Variants in CAMK1D observed in about 807,000 individuals in gnomAD.
The protein encoded by CAMK1D is calcium/calmodulin-dependent protein kinase type 1D.
CAMK1D carries 9 observed loss-of-function variants against 47.7 expected under a neutral mutation model. That is an observed-to-expected ratio of 0.19 (90% CI 0.11 to 0.33). The LOEUF is 0.33. Ranked by LOEUF, CAMK1D falls within the 10% of genes least tolerant of loss-of-function variation. The probability of loss-of-function intolerance (pLI) is 1.00; values close to 1 mark genes in which losing one functional copy is unlikely to be tolerated. For synonymous variants in CAMK1D, 184 were observed against 184.9 expected (o/e 0.99, Z 0.04); for missense variants, 291 against 488.7 (o/e 0.60, Z 3.81).
chr10:12,516,565 C>G (rs1360430169), intron 1 of CAMK1D, among the ~76,000 whole-genome samples: 1 of 152,212 alleles, frequency 6.6e-6, no homozygotes, highest in Non-Finnish European at 1.5e-5. Flanking sequence ...AATTGCTAAA[C>G]TGTTTTCCAA....
chr10:12,376,175 A>AAG (rs1214870942), intron 1 of CAMK1D, among the ~76,000 whole-genome samples: 6 of 151,084 alleles, frequency 4.0e-5, no homozygotes, highest in Non-Finnish European at 5.9e-5. Context: ...AAAAAAAAAA[A>AAG]AAAAAAAAAA....
chr10:12,574,040 A>T (rs1040007188), intron 2 of CAMK1D, among the ~76,000 whole-genome samples: 23 of 150,944 alleles, frequency 1.5e-4, no homozygotes, highest in African/African-American at 5.6e-4. Flanking sequence ...TCACTTATCC[A>T]CTCATTCACC....
intron 3 of CAMK1D, among the ~76,000 whole-genome samples, chr10:12,690,521 A>G (rs1832836599): frequency 6.6e-6 from 1 of 152,188 alleles, no homozygotes; most frequent in South Asian, 2.1e-4. Flanking sequence ...TGTGTAGTAG[A>G]TAAACATATA....
At chr10:12,599,738 C>T (rs1180876111) in intron 2 of CAMK1D, among the ~76,000 whole-genome samples, 5 of 152,136 alleles carry the variant, frequency 3.3e-5, no homozygotes, top group East Asian at 1.9e-4. Context: ...CATAGTGCAT[C>T]GGTATTCACA....
Position 12,830,964 on chromosome 10 carries a change from C to CACACACACAG in CAMK1D, c.*2078_*2079insCACACACAGA, listed in dbSNP as rs529970088. 4.5e-5 allele frequency: 4 copies of CACACACACAG among 89,730 alleles called. No individual in the cohort carries two copies. Among genetic ancestry groups the CACACACACAG allele is most frequent in the Non-Finnish European group, 7.4e-5 (3 of 40,690 alleles). 5.6% of individuals were successfully genotyped at this position (89,730 alleles called of 1,614,324 possible). A position where few individuals can be genotyped will look rare whatever the true frequency, so the allele number is the denominator to read the frequency against. ...ACACACACACACACACACACACACA[C>CACACACACAG]AATGTTATTAGGCACAGCAGCTCCA... On this transcript the variant is annotated 3_prime_UTR_variant, in exon 11 of 11. Transcript: ENST00000619168.
At chr10:12,560,692 G>A (rs1003948760) in intron 2 of CAMK1D, among the ~76,000 whole-genome samples, 2 of 152,020 alleles carry the variant, frequency 1.3e-5, no homozygotes, top group South Asian at 2.1e-4. Flanking sequence ...CACCAATACA[G>A]CTTTTTAAGG....
intron 5 of CAMK1D, among the ~76,000 whole-genome samples, chr10:12,777,374 T>C (rs938111746): frequency 2.9e-4 from 42 of 144,264 alleles, no homozygotes; most frequent in African/African-American, 1.1e-3. Flanking sequence ...TTTTTTTTTT[T>C]TTTTTTTTTT....
Position 12,630,745 on chromosome 10 carries a change from A to G in CAMK1D, c.225-35991A>G, listed in dbSNP as rs558092976. Reference sequence around the variant, plus strand: ...GGCCCTTTGCTCTCTTTATCTTACCAGTGGAGCTTTCCTTGTGACCTCACG... The same window carrying G: ...GGCCCTTTGCTCTCTTTATCTTACCGGTGGAGCTTTCCTTGTGACCTCACG... On this transcript the variant is annotated intron_variant, in intron 2 of 10. Transcript: ENST00000619168. Among the ~76,000 whole-genome samples, 12 of 152,016 alleles carry G rather than the reference A, an allele frequency of 7.9e-5. No homozygotes were observed. The South Asian group carries it at 2.3e-3, about 29-fold the overall frequency.
At chr10:12,823,863 C>T (rs1211612449) in intron 8 of CAMK1D, among the ~76,000 whole-genome samples, 2 of 151,702 alleles carry the variant, frequency 1.3e-5, no homozygotes, top group Admixed American at 6.6e-5. Flanking sequence ...GGCATGGGCT[C>T]ACAGGTGTTG....
intron 2 of CAMK1D, among the ~76,000 whole-genome samples, chr10:12,657,877 G>A (rs564868640): frequency 5.3e-5 from 8 of 152,286 alleles, no homozygotes; most frequent in South Asian, 4.2e-4. Context: ...TGGGCCAGGT[G>A]CGGTGGCTCA....
At chr10:12,817,138 T>A (rs904838672) in intron 8 of CAMK1D, among the ~76,000 whole-genome samples, 1 of 152,220 alleles carries the variant, frequency 6.6e-6, no homozygotes, top group Admixed American at 6.5e-5. Flanking sequence ...CTTGCCTCTG[T>A]GATTCAATTA....
chr10:12,358,359 C>A (rs1290125829), intron 1 of CAMK1D, among the ~76,000 whole-genome samples: 2 of 152,056 alleles, frequency 1.3e-5, no homozygotes, highest in South Asian at 2.1e-4. Flanking sequence ...CATGGTAAAA[C>A]CCCGTCTCTA....
At chr10:12,745,420 C>G (rs1048818787) in intron 3 of CAMK1D, among the ~76,000 whole-genome samples, 1 of 152,080 alleles carries the variant, frequency 6.6e-6, no homozygotes, top group Non-Finnish European at 1.5e-5. Flanking sequence ...CGCACACACA[C>G]ACACGCTAGA....
intron 5 of CAMK1D, among the ~76,000 whole-genome samples, chr10:12,778,950 A>G (rs1320641699): frequency 1.3e-5 from 2 of 152,188 alleles, no homozygotes; most frequent in East Asian, 3.8e-4. Flanking sequence ...ATGGATTTGG[A>G]GGAAGGGTAG....
intron 3 of CAMK1D, among the ~76,000 whole-genome samples, chr10:12,713,427 T>C (rs1287411544): frequency 6.6e-6 from 1 of 152,172 alleles, no homozygotes; most frequent in Non-Finnish European, 1.5e-5. Context: ...CTCCCACGAA[T>C]TCCAGGGGTG....
At chr10:12,427,700 G>GTTTTTTTGTTTTTTTTTT (rs1290974363) in intron 1 of CAMK1D, among the ~76,000 whole-genome samples, 1 of 31,030 alleles carries the variant, frequency 3.2e-5, no homozygotes, top group Non-Finnish European at 6.2e-5. Flanking sequence ...TGAACTTACT[G>GTTTTTTTGTTTTTTTTTT]TTTTTTTTTT....
chr10:12,553,211 T>G lies in CAMK1D; in HGVS notation c.93-14T>G, dbSNP rs747517178. On this transcript the variant is annotated splice_polypyrimidine_tract_variant and intron_variant, in intron 1 of 10. Transcript: ENST00000619168. Reference sequence around the variant, plus strand: ...TCTGCATCTAAGTGTTCTTTTTTCCTTCTTTGTTCACAGCGGGGCCTTTTC... The same window carrying G: ...TCTGCATCTAAGTGTTCTTTTTTCCGTCTTTGTTCACAGCGGGGCCTTTTC... 5.6e-6 allele frequency: 9 copies of G among 1,613,762 alleles called. No homozygotes were observed. Among genetic ancestry groups the G allele is most frequent in the Middle Eastern group, 3.3e-4 (2 of 6,054 alleles).
intron 3 of CAMK1D, among the ~76,000 whole-genome samples, chr10:12,698,401 A>T (rs1172460568): frequency 6.6e-6 from 1 of 152,212 alleles, no homozygotes; most frequent in African/African-American, 2.4e-5. Flanking sequence ...ATGTCAATAC[A>T]TAACCTGTTT....
intron 1 of CAMK1D, among the ~76,000 whole-genome samples, chr10:12,363,022 G>A (rs1195880205): frequency 6.7e-6 from 1 of 150,126 alleles, no homozygotes; most frequent in African/African-American, 2.5e-5. Context: ...CTCACTGCAG[G>A]CTCTTCCTCC....
Sources: gnomAD v4.1 joint callset for allele counts (sites outside exome capture counted in the v4.1 genomes callset) on GRCh38, gnomAD v4.1.1 for gene constraint, MANE v1.5 for transcripts, NCBI Gene and HGNC (gene_info 2026-07-23, HGNC 2026-07-21) for gene names.